The following TOX variants were observed in gnomAD, a reference collection of about 807,000 sequenced individuals.
TOX encodes the protein thymocyte selection associated high mobility group box, also known as thymocyte selection-associated high mobility group box protein TOX.
Under a neutral mutation model 53.7 loss-of-function variants are expected in TOX, and 11 were observed. The ratio of observed to expected loss-of-function variants is 0.20; its 90% confidence interval spans 0.13 to 0.34. TOX has a LOEUF of 0.34. Ranked by LOEUF, TOX falls within the 10% of genes least tolerant of loss-of-function variation. The pLI, the probability that TOX is intolerant of heterozygous loss-of-function variation, is 1.00. For synonymous variants in TOX, 225 were observed against 245.3 expected (o/e 0.92, Z 0.77); for missense variants, 570 against 664.6 (o/e 0.86, Z 1.56).
chr8:58,997,820 T>C (rs939677668), intron 1 of TOX, among the ~76,000 whole-genome samples: 2 of 152,018 alleles, frequency 1.3e-5, no homozygotes, highest in Non-Finnish European at 2.9e-5. Flanking sequence ...TGAGACGGAG[T>C]CTCCCTCTGT....
At chr8:59,089,830 T>C (rs1490025034) in intron 1 of TOX, among the ~76,000 whole-genome samples, 1 of 152,222 alleles carries the variant, frequency 6.6e-6, no homozygotes, top group Non-Finnish European at 1.5e-5. Flanking sequence ...AGTGACCTCC[T>C]GTCTTGGCCT....
At chr8:59,077,964 G>A (rs554429748) in intron 1 of TOX, among the ~76,000 whole-genome samples, 14 of 152,226 alleles carry the variant, frequency 9.2e-5, no homozygotes, top group African/African-American at 3.4e-4. Context: ...TTGGGAATAC[G>A]TGCGCTGTTC....
intron 1 of TOX, among the ~76,000 whole-genome samples, chr8:58,976,470 C>A (rs1012178704): frequency 2.0e-4 from 30 of 152,154 alleles, no homozygotes; most frequent in Non-Finnish European, 5.9e-5. Context: ...AGTCTTGAAT[C>A]CCTCAAAGTC....
chr8:59,030,430 C>G (rs955341257), intron 1 of TOX, among the ~76,000 whole-genome samples: 3 of 152,114 alleles, frequency 2.0e-5, no homozygotes, highest in Non-Finnish European at 2.9e-5. Context: ...CTAATATTTC[C>G]CAGCCTTTTA....
intron 5 of TOX, among the ~76,000 whole-genome samples, chr8:58,828,317 T>G (rs1273354572): frequency 1.3e-5 from 2 of 152,204 alleles, no homozygotes; most frequent in Non-Finnish European, 2.9e-5. Flanking sequence ...AATGTGCTAA[T>G]TTTTCTCCTA....
intron 1 of TOX, among the ~76,000 whole-genome samples, chr8:59,057,823 C>G (rs1357652440): frequency 2.0e-5 from 3 of 152,032 alleles, no homozygotes; most frequent in African/African-American, 4.8e-5. Flanking sequence ...CTTCAATCAT[C>G]AAAACTTCTG....
intron 6 of TOX, among the ~76,000 whole-genome samples, chr8:58,821,925 C>A (rs910233056): frequency 6.6e-6 from 1 of 152,088 alleles, no homozygotes; most frequent in Non-Finnish European, 1.5e-5. Flanking sequence ...GATCCACCCG[C>A]CCCAGAGACT....
At chr8:58,810,630 C>G (rs754543557) in intron 7 of TOX, among the ~76,000 whole-genome samples, 1 of 151,994 alleles carries the variant, frequency 6.6e-6, no homozygotes, top group Non-Finnish European at 1.5e-5. Flanking sequence ...TGGGATTACA[C>G]GAGTGAGCTA....
intron 3 of TOX, among the ~76,000 whole-genome samples, chr8:58,887,920 T>C (rs1450639090): frequency 6.6e-6 from 1 of 152,070 alleles, no homozygotes; most frequent in African/African-American, 2.4e-5. Context: ...ATTGTGTTCT[T>C]AGGTGATTTT....
Position 59,118,911 on chromosome 8 carries a change from C to T in TOX, c.77G>A (p.Cys26Tyr), listed in dbSNP as rs768350384. The T allele has an allele frequency of 3.1e-6, 5 of 1,596,378 alleles. No individual in the cohort carries two copies. The highest frequency in any genetic ancestry group is 1.1e-5 in the South Asian group (1 of 90,066). ...CTTGTTGCAATAGTAGGGGTCCAGG[C>T]AGGGAGAAGGTCCCAGACAGGGAGC... ...PDAPCLGPSPCLDPYYCNKFD... is the reference protein window; with the variant it reads ...PDAPCLGPSPYLDPYYCNKFD... Residue 26 changes from cysteine (C) to tyrosine (Y), a missense_variant, in exon 1 of 9, where the codon TGC becomes TAC. Transcript: ENST00000361421. The surrounding 1 kb of genome is among the most constrained non-coding windows in gnomAD (Gnocchi z 4.1).
intron 3 of TOX, among the ~76,000 whole-genome samples, chr8:58,892,509 C>A (rs1811574823): frequency 6.6e-6 from 1 of 152,048 alleles, no homozygotes; most frequent in African/African-American, 2.4e-5. Flanking sequence ...AGGATGTTAC[C>A]AATATTGTAT....
At chr8:59,005,044 CTT>C (rs11332501) in intron 1 of TOX, among the ~76,000 whole-genome samples, 36 of 141,700 alleles carry the variant, frequency 2.5e-4, no homozygotes, top group Admixed American at 3.5e-4. Context: ...ATATCATTTT[CTT>C]TTTTTTTTTT....
At chr8:59,033,113 A>G (rs1055473972) in intron 1 of TOX, among the ~76,000 whole-genome samples, 3 of 152,172 alleles carry the variant, frequency 2.0e-5, no homozygotes, top group African/African-American at 7.2e-5. Context: ...TTCAATTTGG[A>G]TATCTCTCTT....
intron 7 of TOX, among the ~76,000 whole-genome samples, chr8:58,808,825 C>T (rs1036157137): frequency 6.6e-6 from 1 of 152,134 alleles, no homozygotes; most frequent in East Asian, 1.9e-4. Flanking sequence ...TCAACCAAAG[C>T]TTTTTAACAG....
chr8:58,892,285 G>T (rs1434772786), intron 3 of TOX, among the ~76,000 whole-genome samples: 1 of 152,104 alleles, frequency 6.6e-6, no homozygotes, highest in African/African-American at 2.4e-5. Flanking sequence ...TTTAAAGGAG[G>T]CAGATGTGAG....
intron 1 of TOX, among the ~76,000 whole-genome samples, chr8:59,053,369 C>T (rs886395494): frequency 1.3e-3 from 192 of 152,130 alleles, no homozygotes; most frequent in African/African-American, 4.3e-3. Flanking sequence ...TGTGTCTGCC[C>T]GTGTTCTACG....
chr8:58,939,679 T>C (rs1399484260), intron 2 of TOX, 135 bp from the exon 3 acceptor site: 26 of 1,252,114 alleles, frequency 2.1e-5, no homozygotes, highest in Non-Finnish European at 1.1e-6. Context: ...ACCTTCAGAT[T>C]ATCCTGCTGC....
At position 58,888,316 on chromosome 8, in the gene TOX, C is replaced by T. The variant is rs533273409; in HGVS notation, c.412-36511G>A. On this transcript the variant is annotated intron_variant, in intron 3 of 8. Coordinates refer to ENST00000361421, the MANE Select transcript of TOX (RefSeq NM_014729.3). ...TTTATAATAGCAAAATGAAATACACCTAGTAATAAGTAACTAGTAATAAAT... is the reference window on the plus strand; with the variant it reads ...TTTATAATAGCAAAATGAAATACACTTAGTAATAAGTAACTAGTAATAAAT... 2.9e-4 allele frequency among the ~76,000 whole-genome samples: 44 copies of T among 151,930 alleles called. No individual in the cohort carries two copies. The East Asian group carries it at 4.4e-3, about 15-fold the overall frequency.
At chr8:58,971,841 C>T (rs1243295468) in intron 1 of TOX, among the ~76,000 whole-genome samples, 1 of 152,122 alleles carries the variant, frequency 6.6e-6, no homozygotes, top group Non-Finnish European at 1.5e-5. Context: ...CCGGCATGCA[C>T]CACCATTACC....
Sources: allele counts gnomAD v4.1 joint callset (sites outside exome capture counted in the v4.1 genomes callset), GRCh38; gene constraint gnomAD v4.1.1; non-coding constraint Gnocchi (gnomAD v3.1); transcripts MANE v1.5; gene names NCBI Gene and HGNC (gene_info 2026-07-23, HGNC 2026-07-21).